SLC5A8: variants seen among roughly 807,000 people sequenced by gnomAD.
The protein encoded by SLC5A8 is sodium-coupled monocarboxylate transporter 1.
In SLC5A8, 55 loss-of-function variants were observed where a neutral mutation model predicts 71.9. That is an observed-to-expected ratio of 0.77 (90% CI 0.62 to 0.96). The LOEUF (loss-of-function observed/expected upper bound fraction) is 0.96. Ranked by LOEUF, SLC5A8 falls within the 40% of genes least tolerant of loss-of-function variation. The pLI is 0.00. For missense variants in SLC5A8, 701 were observed against 745.3 expected (o/e 0.94, Z 0.69); for synonymous variants, 307 against 276.1 (o/e 1.11, Z -1.11).
chr12:101,161,875 C>T (rs1427275872), intron 13 of SLC5A8, 99 bp downstream of exon 13: 13 of 856,562 alleles, frequency 1.5e-5, no homozygotes, highest in Non-Finnish European at 2.3e-5. Flanking sequence ...AACTAGTTGG[C>T]AATAGGATCA....
chr12:101,173,533 T>G (rs911489045), intron 10 of SLC5A8, among the ~76,000 whole-genome samples: 4 of 152,110 alleles, frequency 2.6e-5, no homozygotes, highest in African/African-American at 9.7e-5. Flanking sequence ...GACTCTGAGG[T>G]GAGCCCGCGT....
chr12:101,199,645 A>G (rs1405264504), intron 3 of SLC5A8, among the ~76,000 whole-genome samples: 2 of 152,138 alleles, frequency 1.3e-5, no homozygotes, highest in African/African-American at 4.8e-5. Flanking sequence ...ATAAAAAAGA[A>G]TAATATCAAA....
At chr12:101,157,633 G>T (rs1593357446) in intron 14 of SLC5A8, among the ~76,000 whole-genome samples, 1 of 151,922 alleles carries the variant, frequency 6.6e-6, no homozygotes, top group Admixed American at 6.6e-5. Flanking sequence ...ATATACAACA[G>T]ATTTATAATA....
intron 10 of SLC5A8, 121 bp downstream of exon 10, chr12:101,179,908 C>A: frequency 2.0e-6 from 2 of 989,978 alleles, no homozygotes; most frequent in Non-Finnish European, 1.6e-6. Context: ...TGTAGTCATC[C>A]CTGCCACTTG....
chr12:101,196,376 T>A (rs555893701), intron 3 of SLC5A8, among the ~76,000 whole-genome samples: 7 of 152,324 alleles, frequency 4.6e-5, no homozygotes, highest in Non-Finnish European at 1.0e-4. Flanking sequence ...TGTGCTTGTT[T>A]CAGCAGTACA....
At chr12:101,204,369 C>CT in intron 2 of SLC5A8, 131 bp downstream of exon 2, 1 of 756,348 alleles carries the variant, frequency 1.3e-6, no homozygotes, top group Non-Finnish European at 2.2e-6. Context: ...AGTGTTTTTC[C>CT]TTTTTTGTTC....
At chr12:101,179,584 A>T (rs1378456639) in intron 10 of SLC5A8, among the ~76,000 whole-genome samples, 3 of 152,212 alleles carry the variant, frequency 2.0e-5, no homozygotes, top group African/African-American at 7.2e-5. Context: ...GACCTGGTAA[A>T]ATTATAGAAA....
In SLC5A8 at chr12:101,162,674, T is replaced by C. The variant is rs147498825; in HGVS notation, c.1527-597A>G. On this transcript the variant is annotated intron_variant, in intron 12 of 14. Transcript: ENST00000536262. ...ACCAAATACCACATGTTCTCACTTA[T>C]AAGTAGGAGCTAAATGTTGGTTACT... Among the ~76,000 whole-genome samples the C allele has an allele frequency of 3.5e-4, 53 of 152,248 alleles. 1 individual carries two copies. In the East Asian group the frequency reaches 8.5e-3, roughly 24 times the overall value.
intron 13 of SLC5A8, among the ~76,000 whole-genome samples, chr12:101,160,244 T>C (rs1244519282): frequency 1.3e-5 from 2 of 152,092 alleles, no homozygotes; most frequent in African/African-American, 4.8e-5. Flanking sequence ...CCAAACAAAT[T>C]AATAAACCTA....
At chr12:101,205,941 C>T (rs1239034308) in intron 1 of SLC5A8, among the ~76,000 whole-genome samples, 1 of 152,206 alleles carries the variant, frequency 6.6e-6, no homozygotes, top group Non-Finnish European at 1.5e-5. Flanking sequence ...CAAAAATACA[C>T]AGTGCCTTGT....
At position 101,162,325 on chromosome 12, in the gene SLC5A8, C is replaced by A. The variant is rs757842596; in HGVS notation, c.1527-248G>T. On this transcript the variant is annotated intron_variant, in intron 12 of 14. Transcript: ENST00000536262. ...TCTGCATGATGTCCCAGGCACTGCT[C>A]TTGTGATTGGACAGTCAGCCATAAA... Among the ~76,000 whole-genome samples, 3 of 152,152 alleles carry A rather than the reference C, an allele frequency of 2.0e-5. No individual in the cohort carries two copies. The South Asian group carries it at 6.2e-4, about 32-fold the overall frequency.
At chr12:101,184,037 C>A in intron 8 of SLC5A8, 97 bp downstream of exon 8, 1 of 1,230,280 alleles carries the variant, frequency 8.1e-7, no homozygotes, top group South Asian at 1.4e-5. Flanking sequence ...CCATCTGTGT[C>A]TGTGCCCAGA....
In SLC5A8 at chr12:101,209,601, G is replaced by T. The variant is rs1428208281; in HGVS notation, c.248C>A (p.Ala83Asp). 6.2e-7 allele frequency: 1 copy of T among 1,614,074 alleles called. No homozygotes were observed. The highest frequency in any genetic ancestry group is 8.5e-7 in the Non-Finnish European group (1 of 1,180,030). ...GGTGAAGGCAAAGATGCTAAAAATG[G>T]CCCCAAAACGGTAGACCTCGGAGGG... ...GTPSEVYRFGAIFSIFAFTYF... is the reference protein window; with the variant it reads ...GTPSEVYRFGDIFSIFAFTYF... The change falls in exon 1 of 15, where the codon GCC (alanine) becomes GAC (aspartate). Residue 83 changes from alanine to aspartate, a missense_variant. By Grantham distance (126) the Ala-to-Asp change is moderately radical. Transcript: ENST00000536262.
intron 3 of SLC5A8, among the ~76,000 whole-genome samples, chr12:101,196,607 G>A (rs1249370049): frequency 6.6e-6 from 1 of 152,000 alleles, no homozygotes; most frequent in Non-Finnish European, 1.5e-5. Context: ...GAACCTAACT[G>A]TATATCAAGT....
intron 12 of SLC5A8, among the ~76,000 whole-genome samples, chr12:101,166,155 T>C (rs1484532508): frequency 6.6e-6 from 1 of 152,250 alleles, no homozygotes; most frequent in Admixed American, 6.5e-5. Context: ...ATATTTATTC[T>C]ATAATTGTGC....
chr12:101,206,220 T>A (rs1393373847), intron 1 of SLC5A8, among the ~76,000 whole-genome samples: 1 of 152,166 alleles, frequency 6.6e-6, no homozygotes, highest in Non-Finnish European at 1.5e-5. Flanking sequence ...AAATTACAAG[T>A]GTCAAAATCA....
chr12:101,180,229 G>T, intron 9 of SLC5A8, 133 bp from the exon 10 acceptor site: 1 of 887,394 alleles, frequency 1.1e-6, no homozygotes, highest in Non-Finnish European at 1.9e-6. Context: ...ACACATCAGA[G>T]CCAGTGAATA....
At chr12:101,190,708 C>T (rs905248412) in intron 5 of SLC5A8, 100 bp from the exon 6 acceptor site, 4 of 907,044 alleles carry the variant, frequency 4.4e-6, no homozygotes, top group Non-Finnish European at 1.5e-6. Context: ...CATTTATATA[C>T]ACAACACATA....
chr12:101,207,437 G>A (rs934848719), intron 1 of SLC5A8, among the ~76,000 whole-genome samples: 110 of 152,304 alleles, frequency 7.2e-4, no homozygotes, highest in African/African-American at 2.4e-3. Context: ...ATGCAATGCA[G>A]CCCAGTGCCT....
Sources: allele counts gnomAD v4.1 joint callset (sites outside exome capture counted in the v4.1 genomes callset), GRCh38; gene constraint gnomAD v4.1.1; transcripts MANE v1.5; gene names NCBI Gene and HGNC (gene_info 2026-07-23, HGNC 2026-07-21).